CSMD1: variants seen among roughly 807,000 people sequenced by gnomAD.
CSMD1 encodes the protein CUB and sushi domain-containing protein 1.
CSMD1 carries 213 observed loss-of-function variants against 417.5 expected under a neutral mutation model. The observed-to-expected ratio is 0.51, with a 90% confidence interval of 0.46 to 0.57. CSMD1 has a LOEUF of 0.57. CSMD1 is among the 20% of genes least tolerant of loss of function. CSMD1 has a pLI of 0.00. For synonymous variants in CSMD1, 2,862 were observed against 1,736.8 expected (o/e 1.65, Z -16.11); for missense variants, 6,923 against 4,529.7 (o/e 1.53, Z -15.17).
intron 3 of CSMD1, among the ~76,000 whole-genome samples, chr8:4,176,246 T>G (rs566367138): frequency 6.6e-6 from 1 of 152,124 alleles, no homozygotes; most frequent in African/African-American, 2.4e-5. Flanking sequence ...CGTTCTTATA[T>G]ACATTTGGTA....
intron 3 of CSMD1, among the ~76,000 whole-genome samples, chr8:4,154,408 A>C (rs1019871771): frequency 6.6e-6 from 1 of 152,212 alleles, no homozygotes; most frequent in South Asian, 2.1e-4. Context: ...GTATAGACAA[A>C]GGCATTTAGC....
intron 52 of CSMD1, among the ~76,000 whole-genome samples, chr8:3,008,934 G>A (rs1808172909): frequency 6.6e-6 from 1 of 152,142 alleles, no homozygotes; most frequent in African/African-American, 2.4e-5. Flanking sequence ...AGTACAGCAA[G>A]GTGAGAGTCT....
At chr8:3,527,702 T>A (rs1358419988) in intron 10 of CSMD1, among the ~76,000 whole-genome samples, 1 of 152,162 alleles carries the variant, frequency 6.6e-6, no homozygotes, top group Non-Finnish European at 1.5e-5. Flanking sequence ...TAGAGCAATG[T>A]GACCCTTACC....
At chr8:4,906,437 C>G (rs1204423376) in intron 1 of CSMD1, among the ~76,000 whole-genome samples, 2 of 152,180 alleles carry the variant, frequency 1.3e-5, no homozygotes, top group East Asian at 1.9e-4. Context: ...CTTAAAGGAC[C>G]AAGGACTGTG....
intron 11 of CSMD1, among the ~76,000 whole-genome samples, chr8:3,492,968 A>G (rs941533956): frequency 1.3e-5 from 2 of 152,140 alleles, no homozygotes; most frequent in Non-Finnish European, 2.9e-5. Flanking sequence ...TGATAATATA[A>G]CATCACAGGG....
chr8:3,818,689 G>A (rs1801537719), intron 5 of CSMD1, among the ~76,000 whole-genome samples: 1 of 152,160 alleles, frequency 6.6e-6, no homozygotes, highest in African/African-American at 2.4e-5. Context: ...TGAAGAAACG[G>A]CAGTCAACAA....
At chr8:3,268,075 T>C (rs1263268832) in intron 26 of CSMD1, among the ~76,000 whole-genome samples, 3 of 151,990 alleles carry the variant, frequency 2.0e-5, no homozygotes, top group African/African-American at 7.2e-5. Context: ...AGCATTGATC[T>C]CCAATGCCCA....
intron 1 of CSMD1, among the ~76,000 whole-genome samples, chr8:4,843,561 T>TA (rs1182694834): frequency 6.6e-6 from 1 of 152,156 alleles, no homozygotes; most frequent in Non-Finnish European, 1.5e-5. Context: ...AGGCCCAATC[T>TA]AAAGGTACTG....
intron 3 of CSMD1, among the ~76,000 whole-genome samples, chr8:4,394,056 A>G (rs1263071827): frequency 6.6e-6 from 1 of 152,158 alleles, no homozygotes; most frequent in East Asian, 1.9e-4. Flanking sequence ...AATACTTCTC[A>G]GTTACTCATA....
At chr8:3,672,361 C>A (rs564116997) in intron 7 of CSMD1, among the ~76,000 whole-genome samples, 25 of 149,842 alleles carry the variant, frequency 1.7e-4, no homozygotes, top group African/African-American at 5.9e-4. Flanking sequence ...TAGTGTGTGT[C>A]GGCATTTAGA....
intron 21 of CSMD1, among the ~76,000 whole-genome samples, chr8:3,351,171 T>A (rs557364113): frequency 1.3e-5 from 2 of 152,348 alleles, no homozygotes; most frequent in South Asian, 2.1e-4. Flanking sequence ...ATTCAATATG[T>A]AGCTATAACT....
chr8:4,988,131 T>C lies in CSMD1; in HGVS notation c.85+6201A>G, dbSNP rs538694276. 2.6e-5 allele frequency among the ~76,000 whole-genome samples: 4 copies of C among 152,358 alleles called. No individual in the cohort carries two copies. The South Asian group carries it at 8.3e-4, about 32-fold the overall frequency. ...AAAAACTGGGAAGAGACACCAACAA[T>C]TTGACTCCTTCATGTTTATGTTCTT... On this transcript the variant is annotated intron_variant, in intron 1 of 69. Coordinates refer to ENST00000635120, the MANE Select transcript of CSMD1 (RefSeq NM_033225.6).
At chr8:4,638,427 T>C (rs1054012114) in intron 1 of CSMD1, among the ~76,000 whole-genome samples, 5 of 152,140 alleles carry the variant, frequency 3.3e-5, no homozygotes, top group Non-Finnish European at 2.9e-5. Flanking sequence ...AGGAAGCTTA[T>C]CAAGTTGAAA....
At chr8:3,486,756 A>G (rs1429289396) in intron 11 of CSMD1, among the ~76,000 whole-genome samples, 4 of 152,190 alleles carry the variant, frequency 2.6e-5, no homozygotes, top group African/African-American at 9.7e-5. Flanking sequence ...ATGGGTCCCC[A>G]AGGTCCCTGA....
At chr8:4,199,420 G>A (rs976520188) in intron 3 of CSMD1, among the ~76,000 whole-genome samples, 1 of 152,150 alleles carries the variant, frequency 6.6e-6, no homozygotes, top group Non-Finnish European at 1.5e-5. Flanking sequence ...GCTGGCATTA[G>A]CTGTCAAGTC....
intron 5 of CSMD1, among the ~76,000 whole-genome samples, chr8:3,801,926 G>C (rs1398952967): frequency 6.6e-6 from 1 of 152,060 alleles, no homozygotes; most frequent in East Asian, 1.9e-4. Flanking sequence ...GTATAGGGTG[G>C]GGAGTCAGGG....
chr8:4,585,019 A>G (rs773536625), intron 2 of CSMD1, among the ~76,000 whole-genome samples: 4 of 151,902 alleles, frequency 2.6e-5, no homozygotes, highest in Non-Finnish European at 4.4e-5. Flanking sequence ...TATTTGTACA[A>G]TTTTTCATAC....
At position 2,936,577 on chromosome 8, in the gene CSMD1, T is replaced by C. The variant is rs955630210; in HGVS notation, c.*2008A>G. ...CACTGGCAAAGCAAATCTCCAAGGATGTGGGCAGGTTGGCCAGGGAAAACT... is the reference window on the plus strand; with the variant it reads ...CACTGGCAAAGCAAATCTCCAAGGACGTGGGCAGGTTGGCCAGGGAAAACT... On this transcript the variant is annotated 3_prime_UTR_variant, in exon 70 of 70. Coordinates refer to ENST00000635120, the MANE Select transcript of CSMD1 (RefSeq NM_033225.6). 5 of 152,072 alleles carry C rather than the reference T, an allele frequency of 3.3e-5. No individual in the cohort carries two copies. Among genetic ancestry groups the C allele is most frequent in the African/African-American group, 4.8e-5 (2 of 41,398 alleles). 9.4% of individuals were successfully genotyped at this position (152,072 alleles called of 1,614,324 possible).
chr8:4,498,723 T>C (rs1802102330), intron 2 of CSMD1, among the ~76,000 whole-genome samples: 1 of 152,212 alleles, frequency 6.6e-6, no homozygotes. Flanking sequence ...GCCCTCTGAA[T>C]GCATCAACTG....
Sources: gnomAD v4.1 joint callset for allele counts (sites outside exome capture counted in the v4.1 genomes callset) on GRCh38, gnomAD v4.1.1 for gene constraint, MANE v1.5 for transcripts, NCBI Gene and HGNC (gene_info 2026-07-23, HGNC 2026-07-21) for gene names.